Variants in ABHD12 observed in about 807,000 individuals in gnomAD.
ABHD12 encodes the protein abhydrolase domain containing 12, lysophospholipase.
Under a neutral mutation model 58.3 loss-of-function variants are expected in ABHD12, and 43 were observed. The ratio of observed to expected loss-of-function variants is 0.74; its 90% CI spans 0.58 to 0.95. The LOEUF is 0.95. ABHD12 is among the 40% of genes least tolerant of loss of function. The pLI is 0.00. For synonymous variants in ABHD12, 219 were observed against 211.2 expected (o/e 1.04, Z -0.32); for missense variants, 539 against 537.2 (o/e 1.00, Z -0.03).
At chr20:25,373,768 T>C (rs1352014002) in intron 1 of ABHD12, among the ~76,000 whole-genome samples, 1 of 152,132 alleles carries the variant, frequency 6.6e-6, no homozygotes, top group Non-Finnish European at 1.5e-5. Context: ...AGGAGATTAA[T>C]TAAGCTTCTT....
intron 4 of ABHD12, among the ~76,000 whole-genome samples, chr20:25,317,922 C>T (rs538400757): frequency 3.3e-5 from 5 of 152,340 alleles, no homozygotes; most frequent in South Asian, 4.1e-4. Flanking sequence ...CGTGCTCCTC[C>T]TTCCTCAGGA....
At chr20:25,384,033 T>C (rs2090056350) in intron 1 of ABHD12, among the ~76,000 whole-genome samples, 1 of 144,998 alleles carries the variant, frequency 6.9e-6, no homozygotes, top group Non-Finnish European at 1.5e-5. Context: ...TCCCAGCTAC[T>C]CAGGAGGCTG....
At chr20:25,294,800 A>T (rs2088514177) in exon 13 of ABHD12, 1 of 725,696 alleles carries the variant, frequency 1.4e-6, no homozygotes, top group Non-Finnish European at 2.5e-6. Flanking sequence ...GGTATGGTTT[A>T]TCTAGAGTTA....
At chr20:25,346,790 C>G (rs139690959) in intron 1 of ABHD12, among the ~76,000 whole-genome samples, 1 of 152,216 alleles carries the variant, frequency 6.6e-6, no homozygotes, top group African/African-American at 2.4e-5. Flanking sequence ...GGACTACAGG[C>G]GCCTGCCACC....
intron 1 of ABHD12, among the ~76,000 whole-genome samples, chr20:25,342,242 A>AAATGG (rs2089464696): frequency 6.6e-6 from 1 of 152,230 alleles, no homozygotes; most frequent in Non-Finnish European, 1.5e-5. Context: ...TGCAGCAATA[A>AAATGG]AATGGAATAA....
Position 25,300,553 on chromosome 20 carries a change from C to G in ABHD12, c.*292G>C. On this transcript the variant is annotated 3_prime_UTR_variant, in exon 13 of 13. Transcript: ENST00000339157. The stretch of plus-strand genomic sequence containing the variant: ...CCAGCTCAGTGCAGCATCAAGCAGG[C>G]AGTGATGGCTGCCTGCTGCCATTAA... The G allele has an allele frequency of 7.2e-7, 1 of 1,392,678 alleles. No individual in the cohort carries two copies. Among genetic ancestry groups the G allele is most frequent in the Non-Finnish European group, 9.3e-7 (1 of 1,073,520 alleles). 86.3% of individuals were successfully genotyped at this position (1,392,678 alleles called of 1,614,324 possible).
At chr20:25,338,880 C>T (rs1284206338) in intron 2 of ABHD12, 1 of 1,091,166 alleles carries the variant, frequency 9.2e-7, no homozygotes, top group Non-Finnish European at 1.1e-6. Flanking sequence ...AACATTTTTA[C>T]TCACCTCAGC....
intron 2 of ABHD12, among the ~76,000 whole-genome samples, chr20:25,327,888 G>A (rs2089202906): frequency 6.6e-6 from 1 of 152,142 alleles, no homozygotes; most frequent in Non-Finnish European, 1.5e-5. Context: ...GCACCATCCA[G>A]ATTGATAAAC....
intron 10 of ABHD12, among the ~76,000 whole-genome samples, chr20:25,305,481 G>A (rs2088720054): frequency 6.6e-6 from 1 of 151,470 alleles, no homozygotes; most frequent in African/African-American, 2.4e-5. Context: ...TCCTGCCTCA[G>A]CCTCCTGATT....
At chr20:25,379,447 C>T (rs2089997381) in intron 1 of ABHD12, among the ~76,000 whole-genome samples, 1 of 152,140 alleles carries the variant, frequency 6.6e-6, no homozygotes, top group African/African-American at 2.4e-5. Context: ...TTCCTTCACC[C>T]ACAAATAGAT....
At chr20:25,349,568 A>G (rs2089570827) in intron 1 of ABHD12, among the ~76,000 whole-genome samples, 1 of 152,264 alleles carries the variant, frequency 6.6e-6, no homozygotes, top group African/African-American at 2.4e-5. Context: ...TGTAGCCATA[A>G]AAAGAATGAA....
chr20:25,332,107 G>A (rs890854605), intron 2 of ABHD12, among the ~76,000 whole-genome samples: 308 of 152,066 alleles, frequency 2.0e-3, no homozygotes, highest in Non-Finnish European at 3.3e-3. Flanking sequence ...AAGGATGGAG[G>A]AAGATCTACC....
intron 1 of ABHD12, among the ~76,000 whole-genome samples, chr20:25,359,692 C>T: frequency 6.6e-6 from 1 of 151,894 alleles, no homozygotes; most frequent in South Asian, 2.1e-4. Flanking sequence ...GCCATAGCCT[C>T]CCAAGTAGCT....
rs557042404 is a variant in ABHD12, at chr20:25,302,723, C to T, written c.1030-377G>A. Among the ~76,000 whole-genome samples, 10 of 152,306 alleles carry T rather than the reference C, an allele frequency of 6.6e-5. No individual in the cohort carries two copies. The East Asian group carries it at 1.7e-3, about 26-fold the overall frequency. On this transcript the variant is annotated intron_variant, in intron 11 of 12. Transcript: ENST00000339157. ...TTAGCTAAGATGGGCTTGATGTACC[C>T]ATCTCAGCCCCCTCCCCCTCTCATT...
chr20:25,342,165 A>G (rs1296647847), intron 1 of ABHD12, among the ~76,000 whole-genome samples: 1 of 152,168 alleles, frequency 6.6e-6, no homozygotes, highest in Non-Finnish European at 1.5e-5. Flanking sequence ...AAACAGAAAC[A>G]ACCCAAATGG....
intron 10 of ABHD12, among the ~76,000 whole-genome samples, chr20:25,304,898 C>T (rs993944307): frequency 1.3e-5 from 2 of 151,634 alleles, no homozygotes; most frequent in African/African-American, 4.9e-5. Context: ...GAATCCAGTT[C>T]ATTCAGATAA....
chr20:25,314,041 C>T (rs951620611), intron 6 of ABHD12, among the ~76,000 whole-genome samples: 2 of 151,172 alleles, frequency 1.3e-5, no homozygotes, highest in South Asian at 2.1e-4. Flanking sequence ...GGTGCAGTCT[C>T]GGCTCACTGC....
Position 25,333,316 on chromosome 20 carries a change from T to C in ABHD12, c.316+5911A>G, listed in dbSNP as rs576257985. The stretch of plus-strand genomic sequence containing the variant: ...GAGCTGAAATTGTGGCAATAATCAA[T>C]AGCTTACCAACCTAACAGAGTCCAG... On this transcript the variant is annotated intron_variant, in intron 2 of 12. Transcript: ENST00000339157. Among the ~76,000 whole-genome samples the C allele has an allele frequency of 4.2e-5, 5 of 120,384 alleles. No homozygotes were observed. In the East Asian group the frequency reaches 5.8e-4, roughly 14 times the overall value. 79.0% of individuals were successfully genotyped at this position (120,384 alleles called of 152,430 possible). A position where few individuals can be genotyped will look rare whatever the true frequency, so the allele number is the denominator to read the frequency against.
intron 1 of ABHD12, among the ~76,000 whole-genome samples, chr20:25,359,368 G>A (rs1351808084): frequency 7.0e-6 from 1 of 141,878 alleles, no homozygotes; most frequent in African/African-American, 2.7e-5. Context: ...AGCTTGCAGT[G>A]AGCCGAGATT....
Sources: allele counts gnomAD v4.1 joint callset (sites outside exome capture counted in the v4.1 genomes callset), GRCh38; gene constraint gnomAD v4.1.1; transcripts MANE v1.5; gene names NCBI Gene and HGNC (gene_info 2026-07-23, HGNC 2026-07-21).